Variants in SPAG16 observed in about 807,000 individuals in gnomAD.
The protein encoded by SPAG16 is sperm-associated antigen 16 protein.
In SPAG16, 86 loss-of-function variants were observed where a neutral mutation model predicts 80.4. The observed-to-expected ratio is 1.07, with a 90% confidence interval of 0.90 to 1.28. The LOEUF (loss-of-function observed/expected upper bound fraction) is 1.28, where lower values mean the gene tolerates loss of function less well. SPAG16 is among the 50% of genes most tolerant of loss of function. The pLI is 0.00. For missense variants in SPAG16, 870 were observed against 765.3 expected (o/e 1.14, Z -1.61); for synonymous variants, 294 against 265.9 (o/e 1.11, Z -1.03).
At chr2:213,983,233 T>C (rs2045851587) in intron 12 of SPAG16, among the ~76,000 whole-genome samples, 1 of 152,004 alleles carries the variant, frequency 6.6e-6, no homozygotes, top group Non-Finnish European at 1.5e-5. Context: ...ATGCTATATA[T>C]ACCAATCATT....
At chr2:213,935,215 A>T in intron 12 of SPAG16, among the ~76,000 whole-genome samples, 1 of 151,906 alleles carries the variant, frequency 6.6e-6, no homozygotes, top group African/African-American at 2.4e-5. Context: ...AAAAAAAAAA[A>T]AAAAAAGACA....
intron 12 of SPAG16, among the ~76,000 whole-genome samples, chr2:214,007,087 A>C (rs2047060455): frequency 6.6e-6 from 1 of 152,246 alleles, no homozygotes; most frequent in Non-Finnish European, 1.5e-5. Flanking sequence ...GACACATATT[A>C]CTAGATTATA....
intron 13 of SPAG16, among the ~76,000 whole-genome samples, chr2:214,023,527 A>G (rs1399792536): frequency 6.6e-6 from 1 of 151,874 alleles, no homozygotes; most frequent in East Asian, 1.9e-4. Context: ...GTTTTAAGTT[A>G]TTACAGACTA....
chr2:213,881,217 T>C (rs114380071), intron 11 of SPAG16, among the ~76,000 whole-genome samples: 1,607 of 152,276 alleles, frequency 0.011, 31 homozygotes, highest in African/African-American at 0.037. Context: ...TTCATTTTCT[T>C]TGTGGCTATT....
chr2:214,006,802 A>G (rs960170030), intron 12 of SPAG16, among the ~76,000 whole-genome samples: 2 of 152,180 alleles, frequency 1.3e-5, no homozygotes, highest in East Asian at 3.9e-4. Flanking sequence ...GGGATGCCCC[A>G]CACCTTAAGC....
In SPAG16 at chr2:214,167,257, T is replaced by C. The variant is rs116660855; in HGVS notation, c.1720+17991T>C. On this transcript the variant is annotated intron_variant, in intron 15 of 15. Transcript: ENST00000331683. ...TGGTAACTGGTGTCATTGAATAGCC[T>C]CTACTTGTGCCGCTCTCCTTGGAAA... Among the ~76,000 whole-genome samples, 188 of 152,214 alleles carry C rather than the reference T, an allele frequency of 1.2e-3. 1 individual carries two copies. The highest frequency in any genetic ancestry group is 4.3e-3 in the African/African-American group (179 of 41,550).
intron 15 of SPAG16, among the ~76,000 whole-genome samples, chr2:214,184,196 CTTTT>C (rs2057398707): frequency 6.6e-6 from 1 of 151,870 alleles, no homozygotes; most frequent in African/African-American, 2.4e-5. Flanking sequence ...TTTCTTGTTT[CTTTT>C]GTTTGTCATT....
intron 10 of SPAG16, among the ~76,000 whole-genome samples, chr2:213,673,123 C>T (rs1004425029): frequency 2.0e-4 from 31 of 152,104 alleles, no homozygotes; most frequent in African/African-American, 6.5e-4. Flanking sequence ...CCTTCCTTTC[C>T]TTCAAGAACC....
At chr2:213,475,851 G>T (rs916933537) in intron 9 of SPAG16, among the ~76,000 whole-genome samples, 1 of 152,154 alleles carries the variant, frequency 6.6e-6, no homozygotes, top group African/African-American at 2.4e-5. Flanking sequence ...GGCCTAATAA[G>T]ATGTCTTCCA....
At chr2:213,459,798 C>T (rs2125607500) in intron 9 of SPAG16, among the ~76,000 whole-genome samples, 1 of 152,324 alleles carries the variant, frequency 6.6e-6, no homozygotes. Context: ...CTTTCAAACA[C>T]ATTTATTTTT....
chr2:213,420,025 TA>T (rs140739722), intron 9 of SPAG16, among the ~76,000 whole-genome samples: 3,550 of 149,530 alleles, frequency 0.024, 58 homozygotes, highest in African/African-American at 0.04. Context: ...ATATACAAGA[TA>T]TTTTTTTATA....
At chr2:213,953,522 A>G (rs1241205541) in intron 12 of SPAG16, among the ~76,000 whole-genome samples, 6 of 151,884 alleles carry the variant, frequency 4.0e-5, no homozygotes, top group Non-Finnish European at 8.8e-5. Flanking sequence ...AAATCTTTAT[A>G]CACACAGAGA....
chr2:213,828,107 G>A (rs143610115), intron 10 of SPAG16, among the ~76,000 whole-genome samples: 93 of 151,958 alleles, frequency 6.1e-4, no homozygotes, highest in African/African-American at 1.5e-3. Flanking sequence ...TTTCTACCCC[G>A]TCTCTCTCTT....
intron 15 of SPAG16, among the ~76,000 whole-genome samples, chr2:214,250,706 T>C (rs1194756239): frequency 1.4e-5 from 2 of 138,348 alleles, no homozygotes; most frequent in African/African-American, 5.3e-5. Flanking sequence ...TATATATAAT[T>C]TATATATATT....
chr2:214,198,484 T>C (rs1254563620), intron 15 of SPAG16, among the ~76,000 whole-genome samples: 1 of 152,152 alleles, frequency 6.6e-6, no homozygotes, highest in Non-Finnish European at 1.5e-5. Flanking sequence ...ATACCACATT[T>C]GTTCATTAAT....
intron 13 of SPAG16, among the ~76,000 whole-genome samples, chr2:214,076,350 A>G (rs1348023145): frequency 6.6e-6 from 1 of 152,204 alleles, no homozygotes. Context: ...AGTGTTTTAC[A>G]CTAATATTCA....
In SPAG16 at chr2:213,841,595, G is replaced by T. The variant is rs972481298; in HGVS notation, c.1071-20890G>T. On this transcript the variant is annotated intron_variant, in intron 10 of 15. Transcript: ENST00000331683. Reference sequence around the variant, plus strand: ...ACTTACTTGTTGATGTATTTTAAAGGTTTCATTATTTTTCTGGTTTAAGAT... The same window carrying T: ...ACTTACTTGTTGATGTATTTTAAAGTTTTCATTATTTTTCTGGTTTAAGAT... Among the ~76,000 whole-genome samples, 27 of 152,080 alleles carry T rather than the reference G, an allele frequency of 1.8e-4. 1 individual carries two copies. Among genetic ancestry groups the T allele is most frequent in the African/African-American group, 6.0e-4 (25 of 41,514 alleles).
chr2:213,972,935 G>T (rs1038186888), intron 12 of SPAG16, among the ~76,000 whole-genome samples: 1 of 152,050 alleles, frequency 6.6e-6, no homozygotes, highest in Non-Finnish European at 1.5e-5. Context: ...TTTGTGTTCA[G>T]CTAGTGTTTT....
chr2:213,363,124 A>G (rs1185326267), intron 7 of SPAG16, among the ~76,000 whole-genome samples: 2 of 152,216 alleles, frequency 1.3e-5, no homozygotes, highest in Non-Finnish European at 2.9e-5. Flanking sequence ...TCATAATAAT[A>G]TATCAATATT....
Sources: allele counts gnomAD v4.1 joint callset (sites outside exome capture counted in the v4.1 genomes callset), GRCh38; gene constraint gnomAD v4.1.1; transcripts MANE v1.5; gene names NCBI Gene and HGNC (gene_info 2026-07-23, HGNC 2026-07-21).